ADK: variants seen among roughly 807,000 people sequenced by gnomAD.
The protein encoded by ADK is adenosine kinase, also known as N6,N6-dimethyladenosine kinase.
A neutral mutation model predicts 44.7 loss-of-function variants in ADK; 24 were observed. The observed-to-expected ratio is 0.54, with a 90% confidence interval of 0.39 to 0.76. ADK has a LOEUF of 0.76. Ranked by LOEUF, ADK falls within the 30% of genes least tolerant of loss-of-function variation. The pLI is 0.00. For missense variants in ADK, 321 were observed against 425.1 expected (o/e 0.76, Z 2.15); for synonymous variants, 128 against 142.6 (o/e 0.90, Z 0.73).
chr10:74,697,479 CA>C (rs537163556), intron 10 of ADK, among the ~76,000 whole-genome samples: 4 of 151,826 alleles, frequency 2.6e-5, no homozygotes, highest in East Asian at 1.9e-4. Context: ...CAAACAAAAA[CA>C]AAAAAAACTT....
intron 6 of ADK, among the ~76,000 whole-genome samples, chr10:74,447,283 C>A (rs1310583233): frequency 1.3e-5 from 2 of 151,970 alleles, no homozygotes; most frequent in Non-Finnish European, 2.9e-5. Flanking sequence ...GTTTAGACTT[C>A]TGGTGGGGTG....
chr10:74,424,549 A>G (rs1317388451), intron 6 of ADK, among the ~76,000 whole-genome samples: 1 of 145,288 alleles, frequency 6.9e-6, no homozygotes, highest in East Asian at 1.9e-4. Flanking sequence ...AAAAAAAAAA[A>G]AAAAAAAAAA....
intron 3 of ADK, among the ~76,000 whole-genome samples, chr10:74,230,031 C>A (rs1028340524): frequency 4.7e-5 from 7 of 148,278 alleles, no homozygotes; most frequent in Non-Finnish European, 7.4e-5. Context: ...CAGAATGAGA[C>A]CCTGTTAAAA....
intron 7 of ADK, among the ~76,000 whole-genome samples, chr10:74,576,416 T>C (rs1851186653): frequency 1.3e-5 from 2 of 152,038 alleles, no homozygotes; most frequent in South Asian, 4.1e-4. Flanking sequence ...TAATAGGAGA[T>C]GCTAAGAAAT....
intron 2 of ADK, among the ~76,000 whole-genome samples, chr10:74,212,483 A>G: frequency 6.6e-6 from 1 of 152,246 alleles, no homozygotes; most frequent in Admixed American, 6.5e-5. Flanking sequence ...ATAGAGGTTA[A>G]GAGTGTGCTC....
chr10:74,320,726 A>C (rs1360503019), intron 4 of ADK, among the ~76,000 whole-genome samples: 2 of 152,160 alleles, frequency 1.3e-5, no homozygotes, highest in African/African-American at 2.4e-5. Flanking sequence ...TTAACTAGTA[A>C]CCTCAGCTTG....
chr10:74,684,888 A>G (rs889417736), intron 10 of ADK, among the ~76,000 whole-genome samples: 3 of 152,230 alleles, frequency 2.0e-5, no homozygotes, highest in African/African-American at 7.2e-5. Context: ...TGCCACCCTT[A>G]TTTTTAAATA....
intron 3 of ADK, among the ~76,000 whole-genome samples, chr10:74,237,191 A>G (rs1213926631): frequency 6.6e-6 from 1 of 152,210 alleles, no homozygotes; most frequent in African/African-American, 2.4e-5. Context: ...CCATGCTGTT[A>G]CTTTATCAAC....
chr10:74,675,034 C>T (rs1855335841), intron 10 of ADK, among the ~76,000 whole-genome samples: 1 of 152,104 alleles, frequency 6.6e-6, no homozygotes, highest in African/African-American at 2.4e-5. Context: ...CTGATTGACA[C>T]ATTCTATATT....
At chr10:74,267,226 G>C (rs1846244006) in intron 3 of ADK, among the ~76,000 whole-genome samples, 1 of 152,134 alleles carries the variant, frequency 6.6e-6, no homozygotes, top group Non-Finnish European at 1.5e-5. Flanking sequence ...AAATACAGTT[G>C]GCCCTCTATA....
At chr10:74,161,356 C>A (rs1258733032) in intron 1 of ADK, among the ~76,000 whole-genome samples, 1 of 151,942 alleles carries the variant, frequency 6.6e-6, no homozygotes. Flanking sequence ...TGCACACCAC[C>A]ACACCTGGCT....
chr10:74,352,025 C>G (rs1202268927), intron 4 of ADK, among the ~76,000 whole-genome samples: 1 of 151,768 alleles, frequency 6.6e-6, no homozygotes, highest in Non-Finnish European at 1.5e-5. Flanking sequence ...CTATTCCCAT[C>G]AAGCTTCCAT....
At chr10:74,704,773 G>A (rs916104458) in intron 10 of ADK, among the ~76,000 whole-genome samples, 1 of 152,184 alleles carries the variant, frequency 6.6e-6, no homozygotes, top group Admixed American at 6.5e-5. Flanking sequence ...GAAAACAGAT[G>A]TTGCTTATAA....
chr10:74,293,819 G>C (rs533213532), intron 3 of ADK, among the ~76,000 whole-genome samples: 3 of 151,992 alleles, frequency 2.0e-5, no homozygotes, highest in Non-Finnish European at 2.9e-5. Flanking sequence ...TACATAGAAA[G>C]GTATAAAAAT....
chr10:74,651,876 G>A (rs1854285974), intron 9 of ADK, among the ~76,000 whole-genome samples: 2 of 152,130 alleles, frequency 1.3e-5, no homozygotes, highest in Admixed American at 6.5e-5. Flanking sequence ...AAAAAAATGT[G>A]CTGAGGTAAG....
At chr10:74,635,832 C>G (rs1010009577) in intron 9 of ADK, among the ~76,000 whole-genome samples, 2 of 151,764 alleles carry the variant, frequency 1.3e-5, no homozygotes, top group African/African-American at 4.8e-5. Context: ...ACCTGTAATC[C>G]CAATACTTTG....
intron 6 of ADK, among the ~76,000 whole-genome samples, chr10:74,524,129 T>C (rs1371336981): frequency 1.3e-5 from 2 of 152,200 alleles, no homozygotes; most frequent in Admixed American, 6.5e-5. Context: ...TGTATATACA[T>C]GTATGTCTTT....
At position 74,495,150 on chromosome 10, in the gene ADK, G is replaced by C. The variant is rs182438712; in HGVS notation, c.556-30106G>C. 3.9e-4 allele frequency among the ~76,000 whole-genome samples: 60 copies of C among 151,958 alleles called. No homozygotes were observed. The East Asian group carries it at 9.6e-3, about 24-fold the overall frequency. Reference sequence around the variant, plus strand: ...CTAAAGTTTCATGATAAATAATAATGATGTAGATCTCTTCATTAATTCATT... The same window carrying C: ...CTAAAGTTTCATGATAAATAATAATCATGTAGATCTCTTCATTAATTCATT... On this transcript the variant is annotated intron_variant, in intron 6 of 10. Coordinates refer to ENST00000539909, the MANE Select transcript of ADK (RefSeq NM_006721.4).
chr10:74,296,800 G>A (rs562419848), intron 3 of ADK, among the ~76,000 whole-genome samples: 25 of 151,876 alleles, frequency 1.6e-4, no homozygotes, highest in Non-Finnish European at 3.1e-4. Flanking sequence ...ATTTTTAGTA[G>A]AGACGGGGTT....
Sources: gnomAD v4.1 joint callset for allele counts (sites outside exome capture counted in the v4.1 genomes callset) on GRCh38, gnomAD v4.1.1 for gene constraint, MANE v1.5 for transcripts, NCBI Gene and HGNC (gene_info 2026-07-23, HGNC 2026-07-21) for gene names.